Variants in GABBR2 observed in about 807,000 individuals in gnomAD.
GABBR2 encodes the protein G-protein coupled receptor 51.
Under a neutral mutation model 105.6 loss-of-function variants are expected in GABBR2, and 23 were observed. That is an observed-to-expected ratio of 0.22 (90% CI 0.16 to 0.31). GABBR2 has a LOEUF of 0.31. GABBR2 is among the 10% of genes least tolerant of loss of function. The pLI is 1.00. For synonymous variants in GABBR2, 478 were observed against 499.7 expected (o/e 0.96, Z 0.58); for missense variants, 734 against 1,245.5 (o/e 0.59, Z 6.18).
chr9:98,419,973 G>A (rs757809677), intron 7 of GABBR2, among the ~76,000 whole-genome samples: 1 of 152,150 alleles, frequency 6.6e-6, no homozygotes, highest in Non-Finnish European at 1.5e-5. Flanking sequence ...GGAGCCTCCT[G>A]ACAACGTTTC....
rs769678713 is a variant in GABBR2, at chr9:98,418,664, C to T, written c.1237-12523G>A. ...GAATCAACAAGCCTTAAAGATACCC[C>T]GGAAGTGAGGAGTGAATGCAGGGAA... is the stretch of plus-strand genomic sequence containing the variant. On this transcript the variant is annotated intron_variant, in intron 7 of 18. Transcript: ENST00000259455. Among the ~76,000 whole-genome samples the T allele has an allele frequency of 2.2e-4, 34 of 152,336 alleles. 1 individual carries two copies. The highest frequency in any genetic ancestry group is 2.0e-3 in the Admixed American group (31 of 15,308).
rs574691470 is a variant in GABBR2 at position 98,625,451 on chromosome 9, T to C, written c.322-47379A>G. Among the ~76,000 whole-genome samples, 3 of 152,336 alleles carry C rather than the reference T, an allele frequency of 2.0e-5. No individual in the cohort carries two copies. In the East Asian group the frequency reaches 5.8e-4, roughly 29 times the overall value. ...GCCCTGAGAGCTGTGTCAGGAGACC[T>C]TGGACAGAGAGAATGAGAACTTGGG... On this transcript the variant is annotated intron_variant, in intron 1 of 18. Transcript: ENST00000259455.
rs548960704 is a variant in GABBR2 at position 98,292,257 on chromosome 9, T to C, written c.2661-1508A>G. ...ACCCCAGAGCTTAACAGACACCCAA[T>C]AGGCAAAAGAAATACTGCTATTCCC... On this transcript the variant is annotated intron_variant, in intron 18 of 18. Transcript: ENST00000259455. 2.6e-5 allele frequency among the ~76,000 whole-genome samples: 4 copies of C among 152,188 alleles called. No individual in the cohort carries two copies. In the South Asian group the frequency reaches 6.2e-4, roughly 24 times the overall value.
chr9:98,526,568 A>C (rs1588212322), intron 3 of GABBR2, among the ~76,000 whole-genome samples: 1 of 152,174 alleles, frequency 6.6e-6, no homozygotes, highest in Non-Finnish European at 1.5e-5. Flanking sequence ...ATCATCTGAC[A>C]TATTTTAAAT....
chr9:98,675,315 G>A (rs1452296646), intron 1 of GABBR2, among the ~76,000 whole-genome samples: 2 of 152,172 alleles, frequency 1.3e-5, no homozygotes, highest in Admixed American at 1.3e-4. Context: ...GAGGAAGGCA[G>A]GCCAGGTGAA....
chr9:98,566,004 C>T (rs80123416), intron 2 of GABBR2, among the ~76,000 whole-genome samples: 1,607 of 152,288 alleles, frequency 0.011, 25 homozygotes, highest in African/African-American at 0.035. Context: ...AGGCATCTTC[C>T]CAGTCTCACA....
chr9:98,382,331 T>G (rs1564041506), intron 11 of GABBR2, among the ~76,000 whole-genome samples: 1 of 152,120 alleles, frequency 6.6e-6, no homozygotes, highest in Non-Finnish European at 1.5e-5. Flanking sequence ...TCTTTTTTTT[T>G]GAGACCGAGT....
chr9:98,677,299 A>C (rs1830489173), intron 1 of GABBR2, among the ~76,000 whole-genome samples: 1 of 152,224 alleles, frequency 6.6e-6, no homozygotes, highest in South Asian at 2.1e-4. Context: ...CAGCCCCCAG[A>C]CAGCTGAAGG....
intron 1 of GABBR2, among the ~76,000 whole-genome samples, chr9:98,628,505 G>C (rs1343676142): frequency 6.6e-6 from 1 of 152,140 alleles, no homozygotes; most frequent in Non-Finnish European, 1.5e-5. Context: ...AGCTTGCTGT[G>C]AAATTGCCCA....
intron 13 of GABBR2, among the ~76,000 whole-genome samples, chr9:98,341,644 G>A (rs1442514533): frequency 6.6e-6 from 1 of 152,190 alleles, no homozygotes; most frequent in Non-Finnish European, 1.5e-5. Context: ...ATGGAAGGAA[G>A]GAAGTAGATA....
chr9:98,517,313 C>T (rs979470669), intron 3 of GABBR2, among the ~76,000 whole-genome samples: 1 of 152,154 alleles, frequency 6.6e-6, no homozygotes, highest in Non-Finnish European at 1.5e-5. Context: ...CCAGTCCCAC[C>T]TTTCCCACCC....
chr9:98,349,344 G>GTTTTTTTTTTTTTTTTTTT lies in GABBR2; in HGVS notation c.1893+13370_1893+13371insAAAAAAAAAAAAAAAAAAA, dbSNP rs1564026872. On this transcript the variant is annotated intron_variant, in intron 13 of 18. Coordinates refer to ENST00000259455, the MANE Select transcript of GABBR2 (RefSeq NM_005458.8). ...TTTGGTTTGCCAATATTTTGTTGAA[G>GTTTTTTTTTTTTTTTTTTT]TTTTGTTTTTTTTTTTTTTTTTTTT... is the stretch of plus-strand genomic sequence containing the variant. Among the ~76,000 whole-genome samples, 6 of 105,504 alleles carry GTTTTTTTTTTTTTTTTTTT rather than the reference G, an allele frequency of 5.7e-5. 1 individual carries two copies. Among genetic ancestry groups the GTTTTTTTTTTTTTTTTTTT allele is most frequent in the Non-Finnish European group, 1.1e-4 (6 of 55,464 alleles). 69.2% of individuals were successfully genotyped at this position (105,504 alleles called of 152,430 possible).
At chr9:98,609,064 C>T (rs1047281065) in intron 1 of GABBR2, among the ~76,000 whole-genome samples, 3 of 152,136 alleles carry the variant, frequency 2.0e-5, no homozygotes, top group African/African-American at 7.2e-5. Flanking sequence ...CTGCATTTAG[C>T]TGTAATCATA....
chr9:98,533,492 T>C (rs1330328157), intron 3 of GABBR2, among the ~76,000 whole-genome samples: 4 of 152,162 alleles, frequency 2.6e-5, no homozygotes, highest in Non-Finnish European at 1.5e-5. Flanking sequence ...GGGAAAGAAC[T>C]GCATTTGTCC....
At chr9:98,519,439 G>A (rs952477703) in intron 3 of GABBR2, among the ~76,000 whole-genome samples, 8 of 152,254 alleles carry the variant, frequency 5.3e-5, no homozygotes, top group Non-Finnish European at 4.4e-5. Context: ...CTGCACATCC[G>A]TGATAGACGG....
At chr9:98,585,083 A>T (rs922751386) in intron 1 of GABBR2, among the ~76,000 whole-genome samples, 8 of 152,104 alleles carry the variant, frequency 5.3e-5, no homozygotes, top group African/African-American at 1.9e-4. Flanking sequence ...TCTACGAGTC[A>T]TTTCACAAAC....
At chr9:98,481,846 T>C (rs1049813241) in intron 4 of GABBR2, among the ~76,000 whole-genome samples, 1 of 152,244 alleles carries the variant, frequency 6.6e-6, no homozygotes, top group Non-Finnish European at 1.5e-5. Flanking sequence ...GTGTGGTTAA[T>C]AGGAATGTGT....
chr9:98,354,891 C>T (rs897223430), intron 13 of GABBR2, among the ~76,000 whole-genome samples: 14 of 152,180 alleles, frequency 9.2e-5, no homozygotes, highest in East Asian at 3.9e-4. Flanking sequence ...TGAGTGCAGT[C>T]GGCCTAGCTT....
intron 1 of GABBR2, among the ~76,000 whole-genome samples, chr9:98,658,547 C>A (rs1830213881): frequency 2.0e-5 from 3 of 152,202 alleles, no homozygotes; most frequent in Admixed American, 2.0e-4. Context: ...CCATCCACCG[C>A]TCTGTCAACC....
Sources: allele counts gnomAD v4.1 joint callset (sites outside exome capture counted in the v4.1 genomes callset), GRCh38; gene constraint gnomAD v4.1.1; transcripts MANE v1.5; gene names NCBI Gene and HGNC (gene_info 2026-07-23, HGNC 2026-07-21).